The following PDE1C variants were observed in gnomAD, a reference collection of about 807,000 sequenced individuals.
PDE1C encodes dual specificity calcium/calmodulin-dependent 3',5'-cyclic nucleotide phosphodiesterase 1C.
In PDE1C, 62 loss-of-function variants were observed where a neutral mutation model predicts 93.1. The observed-to-expected ratio is 0.67, with a 90% confidence interval of 0.54 to 0.82. PDE1C has a LOEUF of 0.82. Ranked by LOEUF, PDE1C falls within the 40% of genes least tolerant of loss-of-function variation. The pLI, the probability that PDE1C is intolerant of heterozygous loss-of-function variation, is 0.00. For missense variants in PDE1C, 742 were observed against 884.6 expected (o/e 0.84, Z 2.04); for synonymous variants, 325 against 310.1 (o/e 1.05, Z -0.50).
At chr7:32,386,113 A>T (rs1402595484) in intron 1 of PDE1C, among the ~76,000 whole-genome samples, 2 of 149,104 alleles carry the variant, frequency 1.3e-5, no homozygotes, top group African/African-American at 4.9e-5. Context: ...TTTTTCCAGA[A>T]ACAAAAATGT....
intron 2 of PDE1C, among the ~76,000 whole-genome samples, chr7:31,922,785 A>G (rs957201863): frequency 5.9e-5 from 9 of 152,236 alleles, no homozygotes; most frequent in Admixed American, 2.6e-4. Flanking sequence ...TAAGAAAAAG[A>G]AAAAAATGTC....
At chr7:32,291,157 AAAGTT>A (rs1638921192) in intron 1 of PDE1C, among the ~76,000 whole-genome samples, 1 of 152,180 alleles carries the variant, frequency 6.6e-6, no homozygotes, top group Non-Finnish European at 1.5e-5. Context: ...GAAATACAGA[AAAGTT>A]AAGTAACTTG....
At chr7:31,714,354 T>G in the PDE1C span, among the ~76,000 whole-genome samples, 1 of 152,112 alleles carries the variant, frequency 6.6e-6, no homozygotes, top group African/African-American at 2.4e-5. Context: ...CTGGATTTCA[T>G]TGTCTATATA....
intron 3 of PDE1C, among the ~76,000 whole-genome samples, chr7:32,109,127 A>T (rs912962449): frequency 2.6e-5 from 4 of 152,238 alleles, no homozygotes; most frequent in African/African-American, 7.2e-5. Context: ...AGCATGAGTC[A>T]CTGAGGGTAC....
rs1010941879 is a variant in PDE1C at position 31,780,108 on chromosome 7, T to G, written c.1892-4376A>C. ...TCAGGGGAGTTCTTAAACAATATGC[T>G]GACACCTGACCCTTCACCCCAAGAT... On this transcript the variant is annotated intron_variant, in intron 16 of 17. Coordinates refer to ENST00000396191, the MANE Select transcript of PDE1C (RefSeq NM_001191057.4). 2.6e-5 allele frequency among the ~76,000 whole-genome samples: 4 copies of G among 152,172 alleles called. No individual in the cohort carries two copies. In the South Asian group the frequency reaches 6.2e-4, roughly 24 times the overall value.
At chr7:31,636,810 G>A in the PDE1C span, among the ~76,000 whole-genome samples, 6 of 151,284 alleles carry the variant, frequency 4.0e-5, no homozygotes, top group African/African-American at 1.2e-4. Flanking sequence ...CATGTGCCAT[G>A]TTGGTGTGCT....
chr7:31,638,694 T>C, the PDE1C span, among the ~76,000 whole-genome samples: 1 of 152,208 alleles, frequency 6.6e-6, no homozygotes, highest in Non-Finnish European at 1.5e-5. Flanking sequence ...TAACTCGATA[T>C]GTAATGTTCC....
At chr7:32,195,063 C>T (rs989016761) in intron 2 of PDE1C, among the ~76,000 whole-genome samples, 1 of 152,116 alleles carries the variant, frequency 6.6e-6, no homozygotes, top group Non-Finnish European at 1.5e-5. Flanking sequence ...TTTACTTTCT[C>T]CTCTTTGATA....
intron 2 of PDE1C, among the ~76,000 whole-genome samples, chr7:31,929,354 C>T (rs1010670976): frequency 6.6e-6 from 1 of 152,100 alleles, no homozygotes; most frequent in Non-Finnish European, 1.5e-5. Context: ...CTTTAACACC[C>T]CACTGTCAAT....
intron 1 of PDE1C, among the ~76,000 whole-genome samples, chr7:32,259,331 AG>A (rs1346557341): frequency 3.3e-5 from 5 of 152,186 alleles, no homozygotes; most frequent in African/African-American, 9.6e-5. Flanking sequence ...TTCCATCATC[AG>A]CTCTTCTTTA....
At chr7:32,276,563 C>G (rs1336456679) in intron 1 of PDE1C, among the ~76,000 whole-genome samples, 2 of 152,134 alleles carry the variant, frequency 1.3e-5, no homozygotes, top group Non-Finnish European at 2.9e-5. Flanking sequence ...CTTTGCAAGA[C>G]TGTTCTGCGT....
the PDE1C span, among the ~76,000 whole-genome samples, chr7:31,644,573 G>A: frequency 6.6e-6 from 1 of 152,114 alleles, no homozygotes; most frequent in Admixed American, 6.5e-5. Flanking sequence ...TCAAATAGAG[G>A]GGCTTTTGGT....
chr7:32,029,807 A>G (rs1247157050), intron 2 of PDE1C, among the ~76,000 whole-genome samples: 1 of 152,124 alleles, frequency 6.6e-6, no homozygotes. Context: ...AAAGAGATAG[A>G]AAGCAGAGTT....
chr7:32,292,332 A>G (rs897397867), intron 1 of PDE1C, among the ~76,000 whole-genome samples: 12 of 152,220 alleles, frequency 7.9e-5, no homozygotes, highest in African/African-American at 2.9e-4. Flanking sequence ...GGTGTACGAC[A>G]TTGTACTGCA....
At chr7:31,739,089 T>C in the PDE1C span, among the ~76,000 whole-genome samples, 7 of 150,490 alleles carry the variant, frequency 4.7e-5, no homozygotes, top group Admixed American at 4.6e-4. Flanking sequence ...CTCAAATCCT[T>C]GACTTCCTTC....
At chr7:31,821,575 T>C (rs1406975952) in intron 14 of PDE1C, among the ~76,000 whole-genome samples, 1 of 152,134 alleles carries the variant, frequency 6.6e-6, no homozygotes, top group Non-Finnish European at 1.5e-5. Context: ...TTGAAATGTT[T>C]AAAGCATTTG....
chr7:32,386,089 CTTT>C (rs3079658), intron 1 of PDE1C, among the ~76,000 whole-genome samples: 34,641 of 137,434 alleles, frequency 0.25, 5,300 homozygotes, highest in Admixed American at 0.38. Flanking sequence ...CTTTTTCTTT[CTTT>C]TTTTTTTTTT....
At chr7:32,108,494 T>G (rs1407735571) in intron 3 of PDE1C, among the ~76,000 whole-genome samples, 3 of 147,444 alleles carry the variant, frequency 2.0e-5, no homozygotes, top group Non-Finnish European at 4.5e-5. Flanking sequence ...AATTAGAAAA[T>G]CCATCCAGGA....
At chr7:32,288,564 T>C (rs1450485260) in intron 1 of PDE1C, among the ~76,000 whole-genome samples, 1 of 152,210 alleles carries the variant, frequency 6.6e-6, no homozygotes, top group East Asian at 1.9e-4. Context: ...CAGCAGATGG[T>C]TGGGATCTAG....
Sources: allele counts gnomAD v4.1 joint callset (sites outside exome capture counted in the v4.1 genomes callset), GRCh38; gene constraint gnomAD v4.1.1; transcripts MANE v1.5; gene names NCBI Gene and HGNC (gene_info 2026-07-23, HGNC 2026-07-21).